The following TMTC2 variants were observed in gnomAD, a reference collection of about 807,000 sequenced individuals.
TMTC2 encodes the protein protein O-mannosyl-transferase TMTC2.
In TMTC2, 43 loss-of-function variants were observed where a neutral mutation model predicts 82.4. That is an observed-to-expected ratio of 0.52 (90% CI 0.41 to 0.67). TMTC2 has a LOEUF of 0.67. TMTC2 is among the 30% of genes least tolerant of loss of function. TMTC2 has a pLI of 0.00. For synonymous variants in TMTC2, 408 were observed against 381.9 expected (o/e 1.07, Z -0.80); for missense variants, 919 against 1,012.4 (o/e 0.91, Z 1.25).
chr12:82,852,967 A>C (rs1871060311), intron 1 of TMTC2, among the ~76,000 whole-genome samples: 1 of 152,208 alleles, frequency 6.6e-6, no homozygotes, highest in Admixed American at 6.5e-5. Context: ...ACATTGGAGA[A>C]TTTTATCATA....
rs116592880 is a variant in TMTC2, at chr12:83,002,359, C to T, written c.2070+16313C>T. Among the ~76,000 whole-genome samples the T allele has an allele frequency of 4.0e-3, 607 of 152,176 alleles. 5 individuals carry two copies. The highest frequency in any genetic ancestry group is 0.014 in the African/African-American group (583 of 41,544). On this transcript the variant is annotated intron_variant, in intron 8 of 11. Coordinates refer to ENST00000321196, the MANE Select transcript of TMTC2 (RefSeq NM_152588.3). ...TCTCTGTCTTTTTTTCTTTGTTAAT[C>T]TAGCTATGATCTATCAACTTTGTTT...
intron 1 of TMTC2, among the ~76,000 whole-genome samples, chr12:82,770,591 A>G (rs958199582): frequency 2.0e-5 from 3 of 152,068 alleles, no homozygotes; most frequent in Admixed American, 6.6e-5. Flanking sequence ...ACCAGGGGGA[A>G]GATTGATTTG....
At chr12:82,915,793 G>A (rs1398671655) in intron 3 of TMTC2, among the ~76,000 whole-genome samples, 1 of 152,180 alleles carries the variant, frequency 6.6e-6, no homozygotes, top group African/African-American at 2.4e-5. Flanking sequence ...GGGCTGCTTG[G>A]AGACAATTCT....
intron 3 of TMTC2, among the ~76,000 whole-genome samples, chr12:82,919,929 T>TCTGAGCCCTC: frequency 6.6e-6 from 1 of 152,182 alleles, no homozygotes; most frequent in Middle Eastern, 3.2e-3. Flanking sequence ...TCTGTGGTCT[T>TCTGAGCCCTC]CTGAGCCCTC....
intron 4 of TMTC2, among the ~76,000 whole-genome samples, chr12:82,946,745 C>CT (rs68095076): frequency 0.72 from 97,915 of 136,878 alleles, 36,296 homozygotes; most frequent in South Asian, 0.82. Flanking sequence ...CTTTTCTTTT[C>CT]TTTTTTTTTT....
At chr12:82,706,855 C>T (rs1873385358) in intron 1 of TMTC2, among the ~76,000 whole-genome samples, 1 of 152,102 alleles carries the variant, frequency 6.6e-6, no homozygotes, top group Non-Finnish European at 1.5e-5. Flanking sequence ...AAAGACGTGC[C>T]TACTTTCCTT....
intron 1 of TMTC2, among the ~76,000 whole-genome samples, chr12:82,726,866 A>T (rs1343340955): frequency 6.7e-6 from 1 of 148,246 alleles, no homozygotes; most frequent in African/African-American, 2.5e-5. Flanking sequence ...GCGAGAGTGC[A>T]AGACTCTGTC....
chr12:82,815,207 G>A (rs1868623239), intron 1 of TMTC2, among the ~76,000 whole-genome samples: 1 of 151,156 alleles, frequency 6.6e-6, no homozygotes. Context: ...CTGTGGCCCA[G>A]GCTGGATGGA....
At chr12:82,736,626 A>G (rs968224021) in intron 1 of TMTC2, among the ~76,000 whole-genome samples, 1 of 152,214 alleles carries the variant, frequency 6.6e-6, no homozygotes, top group African/African-American at 2.4e-5. Context: ...GCCTTGTCAG[A>G]GAGGGCTAAA....
intron 1 of TMTC2, among the ~76,000 whole-genome samples, chr12:82,780,026 T>TTCC (rs371676725): frequency 0.21 from 32,436 of 151,996 alleles, 3,849 homozygotes; most frequent in Middle Eastern, 0.36. Flanking sequence ...TTTTTAGGTA[T>TTCC]TTTTTGTACC....
At position 82,896,259 on chromosome 12, in the gene TMTC2, A is replaced by G. The variant is rs763148513; in HGVS notation, c.1096A>G (p.Lys366Glu). 6.2e-7 allele frequency: 1 copy of G among 1,614,138 alleles called. No individual in the cohort carries two copies. The highest frequency in any genetic ancestry group is 1.1e-5 in the South Asian group (1 of 91,082). Reference protein sequence around the residue: ...SDVEYQNSETKSSFASKVENG... With the variant: ...SDVEYQNSETESSFASKVENG... ...TGTGGAGTACCAGAACTCAGAGACT[A>G]AGTCCAGCTTTGCATCCAAAGTAGA... is the stretch of plus-strand genomic sequence containing the variant. The change falls in exon 3 of 12, where the codon AAG (lysine) becomes GAG (glutamate). Residue 366 changes from lysine (K) to glutamate (E), a missense_variant. By Grantham distance (56) the Lys-to-Glu change is moderately conservative. Coordinates refer to ENST00000321196, the MANE Select transcript of TMTC2 (RefSeq NM_152588.3).
chr12:82,853,394 T>G (rs1468728298), intron 1 of TMTC2, among the ~76,000 whole-genome samples: 1 of 152,156 alleles, frequency 6.6e-6, no homozygotes, highest in Non-Finnish European at 1.5e-5. Context: ...TGAGCCACCA[T>G]GCCCGGCCTC....
intron 1 of TMTC2, among the ~76,000 whole-genome samples, chr12:82,824,696 T>C (rs1255388801): frequency 6.6e-6 from 1 of 152,212 alleles, no homozygotes; most frequent in East Asian, 1.9e-4. Flanking sequence ...ATGTGATGAT[T>C]TGTAATTATG....
chr12:82,786,266 G>C (rs1222931958), intron 1 of TMTC2, among the ~76,000 whole-genome samples: 1 of 152,042 alleles, frequency 6.6e-6, no homozygotes, highest in African/African-American at 2.4e-5. Context: ...TTATAGTCTA[G>C]TTGAGAAATG....
At chr12:82,806,349 CA>C (rs1402000522) in intron 1 of TMTC2, among the ~76,000 whole-genome samples, 1 of 152,122 alleles carries the variant, frequency 6.6e-6, no homozygotes, top group Non-Finnish European at 1.5e-5. Context: ...TACTCCATGG[CA>C]ACCATAGTCA....
intron 7 of TMTC2, among the ~76,000 whole-genome samples, chr12:82,974,229 C>A (rs1027477964): frequency 6.6e-6 from 1 of 151,966 alleles, no homozygotes; most frequent in Non-Finnish European, 1.5e-5. Flanking sequence ...TGGACACACA[C>A]AACTGTTTTC....
At chr12:83,007,993 G>A (rs1044566818) in intron 8 of TMTC2, among the ~76,000 whole-genome samples, 13 of 152,086 alleles carry the variant, frequency 8.5e-5, no homozygotes, top group East Asian at 1.9e-4. Context: ...ACTGTAATTC[G>A]CAACCTTATC....
In TMTC2 at chr12:82,766,269, C is replaced by G. The variant is rs548259687; in HGVS notation, c.83+78600C>G. Among the ~76,000 whole-genome samples the G allele has an allele frequency of 3.9e-5, 6 of 152,314 alleles. No homozygotes were observed. The South Asian group carries it at 8.3e-4, about 21-fold the overall frequency. On this transcript the variant is annotated intron_variant, in intron 1 of 11. Transcript: ENST00000321196. ...ACTTTCCACTGTAGGCTTCCTGGAACATAGCAAAGGCATACTCTTATCTGT... is the reference window on the plus strand; with the variant it reads ...ACTTTCCACTGTAGGCTTCCTGGAAGATAGCAAAGGCATACTCTTATCTGT...
chr12:82,813,951 G>C (rs1331580193), intron 1 of TMTC2, among the ~76,000 whole-genome samples: 1 of 152,002 alleles, frequency 6.6e-6, no homozygotes, highest in Non-Finnish European at 1.5e-5. Flanking sequence ...GAGGGAACAG[G>C]GAATAATAAT....
Sources: allele counts gnomAD v4.1 joint callset (sites outside exome capture counted in the v4.1 genomes callset), GRCh38; gene constraint gnomAD v4.1.1; transcripts MANE v1.5; gene names NCBI Gene and HGNC (gene_info 2026-07-23, HGNC 2026-07-21).